Variants in LRRC8B observed in about 807,000 individuals in gnomAD.
LRRC8B encodes leucine rich repeat containing 8 VRAC subunit B.
LRRC8B carries 23 observed loss-of-function variants against 58.8 expected under a neutral mutation model. That is an observed-to-expected ratio of 0.39 (90% CI 0.28 to 0.55). The LOEUF is 0.55. LRRC8B is among the 20% of genes least tolerant of loss of function. The probability of loss-of-function intolerance (pLI) is 0.62; values close to 1 mark genes in which losing one functional copy is unlikely to be tolerated. For synonymous variants in LRRC8B, 359 were observed against 374.1 expected (o/e 0.96, Z 0.47); for missense variants, 694 against 936.0 (o/e 0.74, Z 3.37).
At chr1:89,538,728 T>A (rs1344959764) in intron 1 of LRRC8B, among the ~76,000 whole-genome samples, 1 of 151,904 alleles carries the variant, frequency 6.6e-6, no homozygotes, top group African/African-American at 2.4e-5. Flanking sequence ...TTTGTTTGTT[T>A]GTTTGTTTTT....
intron 5 of LRRC8B, 76 bp from the exon 6 acceptor site, chr1:89,592,695 T>TTG: frequency 3.1e-6 from 4 of 1,283,602 alleles, no homozygotes; most frequent in Non-Finnish European, 4.4e-6. Context: ...TTTTTTTTTT[T>TTG]TGGAAAAAAG....
rs1022539247 is a variant in LRRC8B, at chr1:89,584,158, C to A, written c.1508C>A (p.Pro503Gln). 1 of 1,612,056 alleles carries A rather than the reference C, an allele frequency of 6.2e-7. No homozygotes were observed. The highest frequency in any genetic ancestry group is 1.3e-5 in the African/African-American group (1 of 74,902). Residue 503 changes from proline (P) to glutamine (Q), a missense_variant, in exon 5 of 6, where the codon CCA becomes CAA. By Grantham distance (76) the Pro-to-Gln change is moderately conservative. Transcript: ENST00000330947. ...AAATTTACTGAAATGGGAAAAATCC[C>A]ACGCTGGGTATTTCACCTCAAGAAT... ...RLKFTEMGKI[P>Q]RWVFHLKNLK...
chr1:89,577,847 G>C (rs1653959955), intron 3 of LRRC8B, among the ~76,000 whole-genome samples: 1 of 152,130 alleles, frequency 6.6e-6, no homozygotes, highest in African/African-American at 2.4e-5. Context: ...TTATAACCCA[G>C]TTATAATGCA....
rs1654422907 is a variant in LRRC8B, at chr1:89,583,830, A to T, written c.1180A>T (p.Asn394Tyr). 2 of 1,614,192 alleles carry T rather than the reference A, an allele frequency of 1.2e-6. No individual in the cohort carries two copies. The highest frequency in any genetic ancestry group is 4.5e-5 in the East Asian group (2 of 44,882). The change falls in exon 5 of 6, where the codon AAC becomes TAC. Residue 394 changes from asparagine (N) to tyrosine (Y), a missense_variant. Transcript: ENST00000330947. This position sits in a 1 kb window ranked among gnomAD's most constrained non-coding sequence, Gnocchi z 5.2. ...FSIFLSEVSE[N>Y]KLKQINLNNE... is the part of the protein sequence containing the mutation. ...CATATTCCTATCAGAGGTCAGTGAG[A>T]ACAAACTGAAACAGATCAACCTCAA...
chr1:89,570,524 G>A (rs1300825232), intron 3 of LRRC8B, among the ~76,000 whole-genome samples: 2 of 152,076 alleles, frequency 1.3e-5, no homozygotes, highest in Non-Finnish European at 2.9e-5. Context: ...CTTCTTTTGA[G>A]TAATGTCTGT....
chr1:89,566,556 C>T (rs912683979), intron 1 of LRRC8B, among the ~76,000 whole-genome samples: 2 of 152,216 alleles, frequency 1.3e-5, no homozygotes, highest in Non-Finnish European at 2.9e-5. Context: ...AGTTCAAGTC[C>T]TTTGACCAGA....
intron 1 of LRRC8B, among the ~76,000 whole-genome samples, chr1:89,546,145 T>C (rs1225700059): frequency 6.6e-6 from 1 of 152,174 alleles, no homozygotes; most frequent in Admixed American, 6.5e-5. Flanking sequence ...AGAGAGCATG[T>C]TCAAAGGCAT....
Position 89,583,908 on chromosome 1 carries a change from G to A in LRRC8B, c.1258G>A (p.Asp420Asn). 1 of 1,614,144 alleles carries A rather than the reference G, an allele frequency of 6.2e-7. No individual in the cohort carries two copies. Among genetic ancestry groups the A allele is most frequent in the Non-Finnish European group, 8.5e-7 (1 of 1,180,028 alleles). The change falls in exon 5 of 6, where the codon GAC (aspartate) becomes AAC (asparagine). Residue 420 changes from aspartate to asparagine, a missense_variant. By Grantham distance (23) the Asp-to-Asn change is conservative. Transcript: ENST00000330947. The surrounding 1 kb of genome is among the most constrained non-coding windows in gnomAD (Gnocchi z 5.2). The part of the protein sequence containing the change: ...LKSKLVKNAQ[D>N]KIELHLFMLN... ...AAGTAAGCTTGTGAAAAATGCCCAG[G>A]ACAAGATAGAACTGCATCTTTTTAT...
At chr1:89,536,074 A>G (rs1435308817) in intron 1 of LRRC8B, among the ~76,000 whole-genome samples, 1 of 152,174 alleles carries the variant, frequency 6.6e-6, no homozygotes, top group African/African-American at 2.4e-5. Flanking sequence ...TTCATATAGC[A>G]AAACAACTTG....
intron 1 of LRRC8B, among the ~76,000 whole-genome samples, chr1:89,549,020 G>C (rs994039549): frequency 6.6e-6 from 1 of 152,124 alleles, no homozygotes; most frequent in African/African-American, 2.4e-5. Context: ...ACAGACTTGT[G>C]ATTATTCACT....
intron 1 of LRRC8B, among the ~76,000 whole-genome samples, chr1:89,535,770 A>G: frequency 6.6e-6 from 1 of 152,334 alleles, no homozygotes; most frequent in East Asian, 1.9e-4. Flanking sequence ...CTGGTTTCTA[A>G]GAACAAGTCT....
At chr1:89,536,447 A>C (rs1404775936) in intron 1 of LRRC8B, among the ~76,000 whole-genome samples, 2 of 152,194 alleles carry the variant, frequency 1.3e-5, no homozygotes, top group East Asian at 3.8e-4. Context: ...AATTTCATAA[A>C]ATACCTAGTA....
chr1:89,541,757 G>T (rs4486433), intron 1 of LRRC8B, among the ~76,000 whole-genome samples: 66,274 of 127,508 alleles, frequency 0.52, 17,037 homozygotes, highest in Middle Eastern at 0.58. Context: ...AAAGCTGGCT[G>T]TCTGAGAGAC....
In LRRC8B at chr1:89,593,037, A is replaced by C; in HGVS notation, c.2406A>C (p.Lys802Asn). The C allele has an allele frequency of 6.2e-7, 1 of 1,609,336 alleles. No individual in the cohort carries two copies. The highest frequency in any genetic ancestry group is 8.5e-7 in the Non-Finnish European group (1 of 1,176,922). Reference sequence around the variant, plus strand: ...AACGTTTACAGACGTGCTTAGACAAATGTTGACTTAAAGAAAAGAGACCCG... The same window carrying C: ...AACGTTTACAGACGTGCTTAGACAACTGTTGACTTAAAGAAAAGAGACCCG... ...VTERLQTCLDKC is the reference protein window; with the variant it reads ...VTERLQTCLDNC Residue 802 changes from lysine (K) to asparagine (N), a missense_variant, in exon 6 of 6, where the codon AAA (lysine) becomes AAC (asparagine). Coordinates refer to ENST00000330947, the MANE Select transcript of LRRC8B (RefSeq NM_001369817.2).
Position 89,584,339 on chromosome 1 carries a change from G to T in LRRC8B, c.1689G>T (p.Leu563Phe). Residue 563 changes from leucine (L) to phenylalanine (F), a missense_variant, in exon 5 of 6, where the codon TTG (leucine) becomes TTT (phenylalanine). This residue lies in a region of LRRC8B where 162 missense variants were observed against 198.5 expected (regional missense o/e 0.82). Transcript: ENST00000330947. ...PQVVTDLLPS[L>F]QKLSLDNEGS... ...TTGTTACAGACCTCCTGCCTTCATT[G>T]CAGAAACTGTCCCTTGATAATGAGG... is the stretch of plus-strand genomic sequence containing the variant. 6.2e-7 allele frequency: 1 copy of T among 1,614,080 alleles called. No individual in the cohort carries two copies. The highest frequency in any genetic ancestry group is 8.5e-7 in the Non-Finnish European group (1 of 1,180,010).
chr1:89,566,785 A>G (rs968303262), intron 1 of LRRC8B, among the ~76,000 whole-genome samples: 1 of 152,210 alleles, frequency 6.6e-6, no homozygotes, highest in Non-Finnish European at 1.5e-5. Flanking sequence ...TCTATCAGAA[A>G]GCTGATTGCT....
Position 89,583,221 on chromosome 1 carries a change from T to C in LRRC8B, c.571T>C (p.Ser191Pro). The C allele has an allele frequency of 6.2e-7, 1 of 1,614,170 alleles. No homozygotes were observed. The highest frequency in any genetic ancestry group is 8.5e-7 in the Non-Finnish European group (1 of 1,180,030). Residue 191 changes from serine to proline, a missense_variant, in exon 5 of 6, where the codon TCG becomes CCG. By Grantham distance (74) the Ser-to-Pro change is moderately conservative. Transcript: ENST00000330947. This position sits in a 1 kb window ranked among gnomAD's most constrained non-coding sequence, Gnocchi z 5.2. ...ACTCTCCAAGTCCAAGATTTTGCTTTCGTCCTCAGGGTGTTCAGCTGACAT... is the reference window on the plus strand; with the variant it reads ...ACTCTCCAAGTCCAAGATTTTGCTTCCGTCCTCAGGGTGTTCAGCTGACAT... The part of the protein sequence containing the change: ...LKLSKSKILL[S>P]SSGCSADIDS...
chr1:89,576,836 A>G (rs1653886626), intron 3 of LRRC8B, among the ~76,000 whole-genome samples: 2 of 152,200 alleles, frequency 1.3e-5, no homozygotes, highest in African/African-American at 2.4e-5. Flanking sequence ...TAGTATATCA[A>G]ATGTTATTGC....
intron 3 of LRRC8B, among the ~76,000 whole-genome samples, chr1:89,575,815 C>T (rs1022444749): frequency 1.3e-5 from 2 of 152,112 alleles, no homozygotes; most frequent in Non-Finnish European, 2.9e-5. Context: ...TCTCCGTGGA[C>T]CTCTTTATCT....
Sources: allele counts gnomAD v4.1 joint callset (sites outside exome capture counted in the v4.1 genomes callset), GRCh38; gene constraint gnomAD v4.1.1; regional missense constraint gnomAD v4.1.1; non-coding constraint Gnocchi (gnomAD v3.1); transcripts MANE v1.5; gene names NCBI Gene and HGNC (gene_info 2026-07-23, HGNC 2026-07-21).